Variants in FAF1 observed in about 807,000 individuals in gnomAD.
The protein encoded by FAF1 is FAS-associated factor 1.
A neutral mutation model predicts 92.5 loss-of-function variants in FAF1; 25 were observed. The ratio of observed to expected loss-of-function variants is 0.27; its 90% CI spans 0.20 to 0.38. FAF1 has a LOEUF of 0.38. FAF1 is among the 10% of genes least tolerant of loss of function. The pLI is 1.00. For missense variants in FAF1, 636 were observed against 793.3 expected (o/e 0.80, Z 2.38); for synonymous variants, 234 against 273.2 (o/e 0.86, Z 1.42).
intron 1 of FAF1, among the ~76,000 whole-genome samples, chr1:50,878,448 G>A (rs1294620908): frequency 6.6e-6 from 1 of 152,180 alleles, no homozygotes; most frequent in East Asian, 1.9e-4. Flanking sequence ...TCTGCTGTGG[G>A]TGGTTTCTTC....
At position 50,899,583 on chromosome 1, in the gene FAF1, G is replaced by A. The variant is rs188222323; in HGVS notation, c.46-41586C>T. Among the ~76,000 whole-genome samples, 469 of 152,286 alleles carry A rather than the reference G, an allele frequency of 3.1e-3. 2 individuals carry two copies. The highest frequency in any genetic ancestry group is 4.2e-3 in the Non-Finnish European group (284 of 68,036). ...TTCTCCTGCCTCAGCCTCCCGAGTA[G>A]CTGGGAATACAGGCGCGTGCCACCA... On this transcript the variant is annotated intron_variant, in intron 1 of 18. Coordinates refer to ENST00000396153, the MANE Select transcript of FAF1 (RefSeq NM_007051.3).
intron 2 of FAF1, among the ~76,000 whole-genome samples, chr1:50,827,259 G>C (rs762490714): frequency 2.0e-5 from 3 of 152,182 alleles, no homozygotes; most frequent in Non-Finnish European, 2.9e-5. Context: ...AGTAGACATA[G>C]GAGACTCCAT....
At chr1:50,750,996 G>C (rs1659842706) in intron 4 of FAF1, among the ~76,000 whole-genome samples, 1 of 148,272 alleles carries the variant, frequency 6.7e-6, no homozygotes, top group Admixed American at 6.7e-5. Context: ...ACATGAAATG[G>C]GTGTTGAATA....
intron 5 of FAF1, among the ~76,000 whole-genome samples, 196 bp from the exon 6 acceptor site, chr1:50,739,150 G>T (rs1009667446): frequency 3.3e-5 from 5 of 151,488 alleles, no homozygotes; most frequent in Non-Finnish European, 7.4e-5. Flanking sequence ...ACATATATAG[G>T]GGAAATATGG....
rs1223875574 is a variant in FAF1, at chr1:50,490,654, G to A, written c.1587C>T (p.His529=). The change falls in exon 17 of 19, where the codon CAC becomes CAT. Residue 529 remains histidine, a synonymous_variant. Coordinates refer to ENST00000396153, the MANE Select transcript of FAF1 (RefSeq NM_007051.3). ...GAAACTGTTCTGCCATCTCTCTCTC[G>A]TGAGCTTCCCTCTGTTGATAAAACA... is the stretch of plus-strand genomic sequence containing the variant. ...LEADRAKREA[H]EREMAEQFRL... is the part of the protein sequence containing the mutation. 5.6e-6 allele frequency: 9 copies of A among 1,609,446 alleles called. No individual in the cohort carries two copies. The highest frequency in any genetic ancestry group is 3.3e-5 in the South Asian group (3 of 90,970).
intron 16 of FAF1, among the ~76,000 whole-genome samples, chr1:50,491,363 A>C (rs572107703): frequency 1.7e-4 from 26 of 152,198 alleles, no homozygotes; most frequent in African/African-American, 3.6e-4. Flanking sequence ...TTCAAAGCTC[A>C]ACACAGAAGC....
rs538255757 is a variant in FAF1 at position 50,844,579 on chromosome 1, G to C, written c.114+13350C>G. ...CCGGAATCTGAATCTAGAGTCTGAA[G>C]ACCTGGGCTTCGAGTTTTCATCCCA... On this transcript the variant is annotated intron_variant, in intron 2 of 18. Transcript: ENST00000396153. Among the ~76,000 whole-genome samples, 15 of 150,852 alleles carry C rather than the reference G, an allele frequency of 9.9e-5. No homozygotes were observed. In the South Asian group the frequency reaches 3.2e-3, roughly 32 times the overall value.
intron 1 of FAF1, among the ~76,000 whole-genome samples, chr1:50,918,975 G>A (rs1468527624): frequency 6.6e-6 from 1 of 152,142 alleles, no homozygotes; most frequent in Non-Finnish European, 1.5e-5. Flanking sequence ...GTCACTGAAT[G>A]TAAATTTCAC....
chr1:50,623,037 T>A (rs1346328205), intron 8 of FAF1, among the ~76,000 whole-genome samples: 1 of 152,178 alleles, frequency 6.6e-6, no homozygotes, highest in Non-Finnish European at 1.5e-5. Context: ...TATCATCTTC[T>A]CCTACACCAT....
intron 7 of FAF1, among the ~76,000 whole-genome samples, chr1:50,667,767 A>G (rs972475360): frequency 2.0e-5 from 3 of 152,154 alleles, no homozygotes; most frequent in Non-Finnish European, 2.9e-5. Context: ...TTTCTTCAAG[A>G]AAAAAGATTT....
intron 8 of FAF1, among the ~76,000 whole-genome samples, chr1:50,638,270 TTCC>T (rs974586234): frequency 2.2e-4 from 33 of 152,190 alleles, no homozygotes; most frequent in Non-Finnish European, 4.1e-4. Context: ...AAAGTTTTAT[TTCC>T]TCCTTTCTAA....
intron 4 of FAF1, among the ~76,000 whole-genome samples, chr1:50,750,785 G>A (rs369995683): frequency 1.6e-4 from 25 of 151,572 alleles, no homozygotes; most frequent in East Asian, 9.8e-4. Context: ...ACCACACTCA[G>A]CTAATTTTTG....
intron 13 of FAF1, among the ~76,000 whole-genome samples, chr1:50,552,795 G>T (rs1649373625): frequency 6.6e-6 from 1 of 152,050 alleles, no homozygotes; most frequent in Non-Finnish European, 1.5e-5. Context: ...TATATTTGGG[G>T]AATGAAGAGT....
intron 9 of FAF1, among the ~76,000 whole-genome samples, chr1:50,586,948 A>C (rs1017592239): frequency 1.3e-5 from 2 of 152,224 alleles, no homozygotes; most frequent in Non-Finnish European, 2.9e-5. Context: ...AAAGAAACAA[A>C]GGACGAGTAT....
At chr1:50,627,403 A>G (rs980226752) in intron 8 of FAF1, among the ~76,000 whole-genome samples, 2 of 152,162 alleles carry the variant, frequency 1.3e-5, no homozygotes, top group Non-Finnish European at 2.9e-5. Flanking sequence ...AAGTATTTTA[A>G]ATAGCCCAGA....
Position 50,960,072 on chromosome 1 carries a change from AT to A in FAF1, c.-262del. 2.5e-6 allele frequency: 1 copy of A among 394,364 alleles called. No individual in the cohort carries two copies. Among genetic ancestry groups the A allele is most frequent in the Non-Finnish European group, 4.5e-6 (1 of 223,328 alleles). 24.4% of individuals were successfully genotyped at this position (394,364 alleles called of 1,614,324 possible). On this transcript the variant is annotated 5_prime_UTR_variant, in exon 1 of 19. Coordinates refer to ENST00000396153, the MANE Select transcript of FAF1 (RefSeq NM_007051.3). ...GCGTCGCAGCAGCCCGGACAGGAAG[AT>A]TGGTCTGGATGTGGGTCCGGTCTTA...
chr1:50,799,413 T>C (rs1000264133), intron 3 of FAF1, among the ~76,000 whole-genome samples: 25 of 152,290 alleles, frequency 1.6e-4, no homozygotes, highest in South Asian at 4.1e-4. Flanking sequence ...TTGGAGTTTA[T>C]GGTTACATTA....
intron 6 of FAF1, among the ~76,000 whole-genome samples, chr1:50,727,954 G>C (rs559805081): frequency 6.6e-6 from 1 of 152,146 alleles, no homozygotes; most frequent in East Asian, 1.9e-4. Context: ...TTTGGGACTC[G>C]GACTGATCCC....
intron 6 of FAF1, among the ~76,000 whole-genome samples, chr1:50,736,228 T>C (rs1162770360): frequency 2.0e-5 from 3 of 152,230 alleles, no homozygotes; most frequent in African/African-American, 4.8e-5. Flanking sequence ...AATATAACAC[T>C]TAGAATCATA....
Sources: gnomAD v4.1 joint callset for allele counts (sites outside exome capture counted in the v4.1 genomes callset) on GRCh38, gnomAD v4.1.1 for gene constraint, MANE v1.5 for transcripts, NCBI Gene and HGNC (gene_info 2026-07-23, HGNC 2026-07-21) for gene names.